The following FHIP1B variants were observed in gnomAD, a reference collection of about 807,000 sequenced individuals.
FHIP1B encodes FHF complex subunit HOOK-interacting protein 1B.
FHIP1B carries 28 observed loss-of-function variants against 82.2 expected under a neutral mutation model. That is an observed-to-expected ratio of 0.34 (90% confidence interval 0.25 to 0.47). FHIP1B has a LOEUF of 0.47. Among genes scored for constraint, FHIP1B ranks in the 20% least tolerant of loss-of-function variants. FHIP1B has a pLI of 1.00. For missense variants in FHIP1B, 1,110 were observed against 1,262.6 expected (o/e 0.88, Z 1.83); for synonymous variants, 585 against 516.1 (o/e 1.13, Z -1.81).
chr11:6,222,300 T>A, intron 6 of FHIP1B, 142 bp downstream of exon 6: 1 of 879,098 alleles, frequency 1.1e-6, no homozygotes, highest in Non-Finnish European at 1.8e-6. Flanking sequence ...AAAAGTTTAA[T>A]GCTGGAAAGT....
Position 6,232,637 on chromosome 11 carries a change from T to C in FHIP1B, c.-192+1907A>G, listed in dbSNP as rs537982001. On this transcript the variant is annotated intron_variant, in intron 1 of 11. Coordinates refer to ENST00000449352, the MANE Select transcript of FHIP1B (RefSeq NM_001098794.2). ...CCTGTCTTTGTCTACAAGGTATCTA[T>C]ATAAATCAGTATAATAAAATTTGAA... Among the ~76,000 whole-genome samples the C allele has an allele frequency of 2.0e-4, 31 of 152,320 alleles. No individual in the cohort carries two copies. The South Asian group carries it at 6.0e-3, about 30-fold the overall frequency.
intron 1 of FHIP1B, among the ~76,000 whole-genome samples, chr11:6,231,231 A>T (rs1847688850): frequency 6.6e-6 from 1 of 152,200 alleles, no homozygotes; most frequent in Admixed American, 6.5e-5. Context: ...AAATGATTGA[A>T]TGCAGGGAGT....
At chr11:6,212,206 G>C (rs1212755820) in intron 11 of FHIP1B, among the ~76,000 whole-genome samples, 1 of 152,048 alleles carries the variant, frequency 6.6e-6, no homozygotes, top group Admixed American at 6.6e-5. Flanking sequence ...TCCCAGTTAA[G>C]ATCCATTCCT....
intron 1 of FHIP1B, among the ~76,000 whole-genome samples, chr11:6,225,361 TTTTG>T (rs766536995): frequency 2.8e-4 from 42 of 152,314 alleles, no homozygotes; most frequent in Admixed American, 1.0e-3. Flanking sequence ...TCATTGCTCG[TTTTG>T]TTTGTTTGTT....
chr11:6,234,247 C>T (rs952760412), intron 1 of FHIP1B, among the ~76,000 whole-genome samples: 1 of 152,060 alleles, frequency 6.6e-6, no homozygotes, highest in African/African-American at 2.4e-5. Context: ...CAGGCCTTAC[C>T]CCTCACTCTA....
chr11:6,214,260 G>C, intron 11 of FHIP1B, 151 bp downstream of exon 11: 1 of 952,888 alleles, frequency 1.0e-6, no homozygotes, highest in Non-Finnish European at 1.6e-6. Context: ...TCTGTCCCCT[G>C]ACCAGAAGCC....
chr11:6,234,267 T>C (rs1847782545), intron 1 of FHIP1B, among the ~76,000 whole-genome samples: 4 of 151,936 alleles, frequency 2.6e-5, no homozygotes, highest in Admixed American at 2.0e-4. Flanking sequence ...AGTCCCAGGG[T>C]ATCCTTCACA....
chr11:6,233,357 G>A (rs1355359783), intron 1 of FHIP1B, among the ~76,000 whole-genome samples: 1 of 152,204 alleles, frequency 6.6e-6, no homozygotes, highest in Admixed American at 6.5e-5. Flanking sequence ...TAGTGTGAAA[G>A]TGGCCATTAT....
Position 6,214,886 on chromosome 11 carries a change from G to T in FHIP1B, c.2241C>A (p.Ala747=), listed in dbSNP as rs1847181177. Residue 747 remains alanine, a synonymous_variant, in exon 10 of 12, where the codon GCC becomes GCA. Coordinates refer to ENST00000449352, the MANE Select transcript of FHIP1B (RefSeq NM_001098794.2). Reference sequence around the variant, plus strand: ...AGTTCTGCAGCATGTTCTCGAGTTTGGCAAAGAGCACAGCCATGAAGGGGC... The same window carrying T: ...AGTTCTGCAGCATGTTCTCGAGTTTTGCAAAGAGCACAGCCATGAAGGGGC... ...FTGPFMAVLF[A]KLENMLQNSV... 6.3e-7 allele frequency: 1 copy of T among 1,598,860 alleles called. No homozygotes were observed. Among genetic ancestry groups the T allele is most frequent in the Admixed American group, 1.7e-5 (1 of 58,408 alleles).
Position 6,222,717 on chromosome 11 carries a change from G to A in FHIP1B, c.1023+94C>T, listed in dbSNP as rs963168299. On this transcript the variant is annotated intron_variant, in intron 5 of 11. Coordinates refer to ENST00000449352, the MANE Select transcript of FHIP1B (RefSeq NM_001098794.2). ...CAGGAGCAGACAGGGCAAAAGGGAG[G>A]AGTACTCTACCCACCGCCTCCTACG... The A allele has an allele frequency of 1.5e-5, 23 of 1,552,922 alleles. No homozygotes were observed. The African/African-American group carries it at 2.0e-4, about 14-fold the overall frequency.
At chr11:6,231,863 G>GTC (rs1847708581) in intron 1 of FHIP1B, among the ~76,000 whole-genome samples, 1 of 152,084 alleles carries the variant, frequency 6.6e-6, no homozygotes, top group African/African-American at 2.4e-5. Flanking sequence ...GTTTTCATGT[G>GTC]TCTCTCTCTC....
chr11:6,214,897 C>A lies in FHIP1B; in HGVS notation c.2230G>T (p.Val744Leu). 1 of 1,591,698 alleles carries A rather than the reference C, an allele frequency of 6.3e-7. No individual in the cohort carries two copies. The change falls in exon 10 of 12, where the codon GTG becomes TTG. Residue 744 changes from valine (V) to leucine (L), a missense_variant. Val to Leu is a conservative substitution (Grantham distance 32, BLOSUM62 1). Around this residue, in one of 6 missense-constraint regions of FHIP1B, gnomAD observed 39 missense variants for 79.6 expected, o/e 0.49. Transcript: ENST00000449352. ...ATGTTCTCGAGTTTGGCAAAGAGCA[C>A]AGCCATGAAGGGGCCTGGGTTGGGG... ...SQPFTGPFMA[V>L]LFAKLENMLQ...
At chr11:6,228,006 C>A (rs1399139263) in intron 1 of FHIP1B, among the ~76,000 whole-genome samples, 1 of 152,040 alleles carries the variant, frequency 6.6e-6, no homozygotes, top group African/African-American at 2.4e-5. Context: ...GAATAGGAAT[C>A]GAAATGTAAG....
Position 6,224,209 on chromosome 11 carries a change from G to T in FHIP1B, c.178C>A (p.Pro60Thr). 6.2e-7 allele frequency: 1 copy of T among 1,611,382 alleles called. No homozygotes were observed. Among genetic ancestry groups the T allele is most frequent in the Non-Finnish European group, 8.5e-7 (1 of 1,178,456 alleles). The change falls in exon 3 of 12, where the codon CCT (proline) becomes ACT (threonine). Residue 60 changes from proline (P) to threonine (T), a missense_variant. By Grantham distance (38) the Pro-to-Thr change is conservative. Coordinates refer to ENST00000449352, the MANE Select transcript of FHIP1B (RefSeq NM_001098794.2). ...GCACTGAGATCGTCTGCACCCCCAG[G>T]AGCTGCCCGAGGGCCTTGCCGCTCC... ...ILERQGPRAA[P>T]GGADDLSAVR... is the part of the protein sequence containing the mutation.
chr11:6,218,920 G>T, intron 7 of FHIP1B, 51 bp downstream of exon 7: 1 of 1,597,722 alleles, frequency 6.3e-7, no homozygotes, highest in Non-Finnish European at 8.6e-7. Context: ...CAATGCATAA[G>T]ACTCTGAGGC....
In FHIP1B at chr11:6,223,280, T is replaced by C; in HGVS notation, c.778-42A>G. ...AAAGCTCATATATAAAATACATTTA[T>C]AAAATATAAAAACTGGAACAGGGGA... is the stretch of plus-strand genomic sequence containing the variant. On this transcript the variant is annotated intron_variant, in intron 3 of 11. Coordinates refer to ENST00000449352, the MANE Select transcript of FHIP1B (RefSeq NM_001098794.2). This position sits in a 1 kb window ranked among gnomAD's most constrained non-coding sequence, Gnocchi z 4.8. 2 of 1,555,964 alleles carry C rather than the reference T, an allele frequency of 1.3e-6. No homozygotes were observed. Among genetic ancestry groups the C allele is most frequent in the South Asian group, 1.2e-5 (1 of 81,742 alleles).
rs548925901 is a variant in FHIP1B at position 6,224,465 on chromosome 11, G to A, written c.52C>T (p.Arg18Cys). 11 of 1,614,126 alleles carry A rather than the reference G, an allele frequency of 6.8e-6. No individual in the cohort carries two copies. The highest frequency in any genetic ancestry group is 2.7e-5 in the African/African-American group (2 of 75,040). ...TGGAGATTGGCCCCTTGAGGTATAC[G>A]GTGCCCAGGGCCCCGGGAGGCCAGT... is the stretch of plus-strand genomic sequence containing the variant. Reference protein sequence around the residue: ...SRLASRGPGHRIPQGANLQTP... With the variant: ...SRLASRGPGHCIPQGANLQTP... The change falls in exon 2 of 12, where the codon CGT (arginine) becomes TGT (cysteine). Residue 18 changes from arginine to cysteine, a missense_variant. Arg to Cys is a radical substitution (Grantham distance 180, BLOSUM62 -3). Coordinates refer to ENST00000449352, the MANE Select transcript of FHIP1B (RefSeq NM_001098794.2).
rs537286489 is a variant in FHIP1B at position 6,221,610 on chromosome 11, C to T, written c.1191+832G>A. On this transcript the variant is annotated intron_variant, in intron 6 of 11. Transcript: ENST00000449352. The stretch of plus-strand genomic sequence containing the variant: ...TCACTACACCTCTAGTCTTTCATTT[C>T]CTCAAACATGTTAAGCTCTTCCCCC... Among the ~76,000 whole-genome samples, 165 of 152,218 alleles carry T rather than the reference C, an allele frequency of 1.1e-3. 1 individual carries two copies. The highest frequency in any genetic ancestry group is 3.8e-3 in the African/African-American group (157 of 41,534).
chr11:6,226,584 C>G (rs1289514268), intron 1 of FHIP1B, among the ~76,000 whole-genome samples: 7 of 152,100 alleles, frequency 4.6e-5, no homozygotes, highest in Non-Finnish European at 1.0e-4. Context: ...GAAAGGTTTT[C>G]TTCATATTAA....
Sources: gnomAD v4.1 joint callset for allele counts (sites outside exome capture counted in the v4.1 genomes callset) on GRCh38, gnomAD v4.1.1 for gene constraint, gnomAD v4.1.1 regional missense constraint, Gnocchi (gnomAD v3.1) non-coding constraint, MANE v1.5 for transcripts, NCBI Gene and HGNC (gene_info 2026-07-23, HGNC 2026-07-21) for gene names.